Variants in SPECC1 observed in about 807,000 individuals in gnomAD.
SPECC1 encodes the protein sperm antigen with calponin homology and coiled-coil domains 1, also known as cytospin-B.
Under a neutral mutation model 104.1 loss-of-function variants are expected in SPECC1, and 62 were observed. The ratio of observed to expected loss-of-function variants is 0.60; its 90% CI spans 0.49 to 0.74. The LOEUF (loss-of-function observed/expected upper bound fraction) is 0.74, where lower values mean the gene tolerates loss of function less well. Among genes scored for constraint, SPECC1 ranks in the 30% least tolerant of loss-of-function variants. The probability of loss-of-function intolerance (pLI) is 0.00; values close to 1 mark genes in which losing one functional copy is unlikely to be tolerated. For missense variants in SPECC1, 1,306 were observed against 1,310.5 expected (o/e 1.00, Z 0.05); for synonymous variants, 513 against 501.6 (o/e 1.02, Z -0.30).
intron 1 of SPECC1, among the ~76,000 whole-genome samples, chr17:20,042,845 G>A (rs1383948676): frequency 1.4e-4 from 22 of 152,054 alleles, no homozygotes; most frequent in Admixed American, 1.4e-3. Flanking sequence ...GGGTTGTTCT[G>A]TGGGCCTCAA....
chr17:20,158,403 G>A lies in SPECC1; in HGVS notation c.284-45930G>A, dbSNP rs552928942. Among the ~76,000 whole-genome samples, 7 of 152,284 alleles carry A rather than the reference G, an allele frequency of 4.6e-5. No homozygotes were observed. In the South Asian group the frequency reaches 6.2e-4, roughly 14 times the overall value. ...ATAGGAAGCAGAATTAGAGGAGTTC[G>A]AGACCAGCCTGGGCAAGGAAAGCTT... On this transcript the variant is annotated intron_variant, in intron 3 of 14. Transcript: ENST00000395527.
chr17:20,156,124 G>A, intron 3 of SPECC1: 1 of 1,382,140 alleles, frequency 7.2e-7, no homozygotes, highest in Non-Finnish European at 9.4e-7. Flanking sequence ...GCCAGCCGGA[G>A]CCAGCGCGAG....
chr17:20,236,068 G>T (rs747841250), intron 7 of SPECC1, among the ~76,000 whole-genome samples: 2 of 152,174 alleles, frequency 1.3e-5, no homozygotes, highest in Non-Finnish European at 2.9e-5. Flanking sequence ...GGGGAGGGGC[G>T]GAAGTTGGAG....
chr17:20,298,948 A>AGAGAGAGAGAGTGG, intron 13 of SPECC1, among the ~76,000 whole-genome samples: 1 of 49,070 alleles, frequency 2.0e-5, no homozygotes, highest in Non-Finnish European at 3.7e-5. Flanking sequence ...AGAGAGAGAG[A>AGAGAGAGAGAGTGG]GTGTGTGTGT....
intron 12 of SPECC1, among the ~76,000 whole-genome samples, chr17:20,266,675 G>A (rs891631222): frequency 6.6e-6 from 1 of 152,214 alleles, no homozygotes; most frequent in African/African-American, 2.4e-5. Flanking sequence ...AAATCCTCAT[G>A]GGGTCTGGCA....
At chr17:20,307,084 C>T (rs1166148163) in intron 14 of SPECC1, among the ~76,000 whole-genome samples, 1 of 152,032 alleles carries the variant, frequency 6.6e-6, no homozygotes, top group African/African-American at 2.4e-5. Flanking sequence ...TTGCCAAACT[C>T]ATTAGATACA....
chr17:20,071,048 T>A (rs1290389450), intron 1 of SPECC1, among the ~76,000 whole-genome samples: 1 of 152,118 alleles, frequency 6.6e-6, no homozygotes, highest in Non-Finnish European at 1.5e-5. Flanking sequence ...TGAGACAGGG[T>A]CTCACTGTGT....
chr17:20,270,433 CAAAAAAAAAAA>C (rs71157863), intron 12 of SPECC1, among the ~76,000 whole-genome samples: 9 of 43,548 alleles, frequency 2.1e-4, no homozygotes, highest in African/African-American at 2.8e-4. Context: ...CTGTCTTTAC[CAAAAAAAAAAA>C]AAAAAAAAAA....
In SPECC1 at chr17:20,076,978, C is replaced by G. The variant is rs144803284; in HGVS notation, c.-21-19653C>G. On this transcript the variant is annotated intron_variant, in intron 1 of 14. Coordinates refer to ENST00000395527, the MANE Select transcript of SPECC1 (RefSeq NM_001243439.2). ...TTTACATGCTTGTTTACAAGTTGTACTTTCTCTTTTGATCATTTTATGGGA... is the reference window on the plus strand; with the variant it reads ...TTTACATGCTTGTTTACAAGTTGTAGTTTCTCTTTTGATCATTTTATGGGA... Among the ~76,000 whole-genome samples the G allele has an allele frequency of 3.6e-3, 542 of 152,266 alleles. 2 individuals are homozygous for G. Among genetic ancestry groups the G allele is most frequent in the Admixed American group, 5.6e-3 (86 of 15,294 alleles).
chr17:20,031,453 G>A (rs1239736148), intron 1 of SPECC1, among the ~76,000 whole-genome samples: 3 of 152,090 alleles, frequency 2.0e-5, no homozygotes. Flanking sequence ...CCAAGTAGCT[G>A]GGATTACAGG....
chr17:20,107,497 G>C (rs1299243875), intron 2 of SPECC1, among the ~76,000 whole-genome samples: 1 of 133,670 alleles, frequency 7.5e-6, no homozygotes, highest in Non-Finnish European at 1.6e-5. Context: ...TAGACTGTTT[G>C]CCAGTATAGA....
chr17:20,148,726 CT>C lies in SPECC1; in HGVS notation c.283+38174del, dbSNP rs922434394. On this transcript the variant is annotated intron_variant, in intron 3 of 14. Coordinates refer to ENST00000395527, the MANE Select transcript of SPECC1 (RefSeq NM_001243439.2). ...ATGTACAAAAATTTAGAATTGTATT[CT>C]TTTTTTTTTGAGACAGAGTTTTGCT... is the stretch of plus-strand genomic sequence containing the variant. 3.2e-3 allele frequency among the ~76,000 whole-genome samples: 472 copies of C among 147,718 alleles called. 4 individuals carry two copies. The highest frequency in any genetic ancestry group is 0.011 in the African/African-American group (445 of 40,370).
chr17:20,181,279 A>T (rs1227115386), intron 3 of SPECC1, among the ~76,000 whole-genome samples: 12 of 152,100 alleles, frequency 7.9e-5, no homozygotes, highest in Non-Finnish European at 1.6e-4. Context: ...AAAAGTACAA[A>T]ATAAAGAGAA....
chr17:20,109,797 A>C (rs555447771), intron 2 of SPECC1, among the ~76,000 whole-genome samples: 1 of 151,960 alleles, frequency 6.6e-6, no homozygotes, highest in Non-Finnish European at 1.5e-5. Flanking sequence ...TGCATCTCCC[A>C]GTTCTTTTTT....
chr17:20,123,408 T>G (rs1013424462), intron 3 of SPECC1, among the ~76,000 whole-genome samples: 1 of 152,238 alleles, frequency 6.6e-6, no homozygotes, highest in African/African-American at 2.4e-5. Context: ...ATTGGCTCAC[T>G]GCCAAGAAAC....
intron 1 of SPECC1, among the ~76,000 whole-genome samples, chr17:20,029,212 G>A (rs1382516433): frequency 1.3e-5 from 2 of 152,120 alleles, no homozygotes; most frequent in East Asian, 1.9e-4. Context: ...AGCTTCTAGA[G>A]TATAAGTTTT....
intron 1 of SPECC1, among the ~76,000 whole-genome samples, chr17:20,065,994 G>A (rs1487752129): frequency 1.3e-5 from 2 of 152,150 alleles, no homozygotes; most frequent in Non-Finnish European, 2.9e-5. Context: ...CTATCTATAT[G>A]TATATCTATA....
intron 2 of SPECC1, among the ~76,000 whole-genome samples, chr17:20,104,532 C>T (rs571939847): frequency 3.3e-5 from 5 of 151,854 alleles, no homozygotes; most frequent in Non-Finnish European, 5.9e-5. Context: ...CACCTGAGGT[C>T]AGGAGTTTGA....
intron 3 of SPECC1, among the ~76,000 whole-genome samples, chr17:20,160,517 G>C (rs1198702390): frequency 1.3e-5 from 2 of 152,134 alleles, no homozygotes; most frequent in Non-Finnish European, 2.9e-5. Flanking sequence ...TCTCTTTGTA[G>C]ACATGATGAC....
Sources: gnomAD v4.1 joint callset for allele counts (sites outside exome capture counted in the v4.1 genomes callset) on GRCh38, gnomAD v4.1.1 for gene constraint, MANE v1.5 for transcripts, NCBI Gene and HGNC (gene_info 2026-07-23, HGNC 2026-07-21) for gene names.